EPHA6: variants seen among roughly 807,000 people sequenced by gnomAD.
EPHA6 encodes the protein EPH receptor A6.
Under a neutral mutation model 112.0 loss-of-function variants are expected in EPHA6, and 50 were observed. That is an observed-to-expected ratio of 0.45 (90% CI 0.36 to 0.56). EPHA6 has a LOEUF of 0.56. Among genes scored for constraint, EPHA6 ranks in the 20% least tolerant of loss-of-function variants. The pLI, the probability that EPHA6 is intolerant of heterozygous loss-of-function variation, is 0.00. For synonymous variants in EPHA6, 529 were observed against 490.7 expected (o/e 1.08, Z -1.03); for missense variants, 1,280 against 1,417.4 (o/e 0.90, Z 1.56).
intron 3 of EPHA6, among the ~76,000 whole-genome samples, chr3:97,096,277 A>C (rs935388776): frequency 2.7e-5 from 4 of 145,798 alleles, no homozygotes; most frequent in South Asian, 2.1e-4. Flanking sequence ...ATACACACCC[A>C]CACACACACA....
intron 5 of EPHA6, among the ~76,000 whole-genome samples, chr3:97,272,297 CGTGTGTGTGTGTGTGTGT>C (rs58790255): frequency 5.3e-5 from 8 of 150,234 alleles, no homozygotes; most frequent in African/African-American, 9.8e-5. Context: ...TATTCCATTT[CGTGTGTGTGTGTGTGTGT>C]GTGTGTGTGT....
At chr3:97,222,018 A>G (rs1277709436) in intron 3 of EPHA6, among the ~76,000 whole-genome samples, 1 of 145,252 alleles carries the variant, frequency 6.9e-6, no homozygotes, top group Non-Finnish European at 1.5e-5. Flanking sequence ...ACAGAGCCAG[A>G]CCCCTTCTCA....
rs1033811861 is a variant in EPHA6, at chr3:97,448,645, C to A, written c.1809C>A (p.Thr603=). 1 of 1,613,446 alleles carries A rather than the reference C, an allele frequency of 6.2e-7. No individual in the cohort carries two copies. Among genetic ancestry groups the A allele is most frequent in the East Asian group, 2.2e-5 (1 of 44,880 alleles). ...SVIITGLKPA[T]KYVFHIRVRT... is the part of the protein sequence containing the mutation. Reference sequence around the variant, plus strand: ...TCATCACAGGTCTTAAGCCAGCCACCAAATATGTATTTCACATCCGAGTGA... The same window carrying A: ...TCATCACAGGTCTTAAGCCAGCCACAAAATATGTATTTCACATCCGAGTGA... The change falls in exon 7 of 18, where the codon ACC becomes ACA. Residue 603 remains threonine, a synonymous_variant. Coordinates refer to ENST00000389672, the MANE Select transcript of EPHA6 (RefSeq NM_001080448.3).
In EPHA6 at chr3:97,139,881, A is replaced by G. The variant is rs77180780; in HGVS notation, c.1115-86383A>G. Among the ~76,000 whole-genome samples, 465 of 152,278 alleles carry G rather than the reference A, an allele frequency of 3.1e-3. 3 individuals are homozygous for G. The highest frequency in any genetic ancestry group is 0.01 in the African/African-American group (423 of 41,562). The stretch of plus-strand genomic sequence containing the variant: ...CGAATTCCAAATATGAATTGTAAGG[A>G]AGCTCAATGAGATCCAAGAAAACCA... On this transcript the variant is annotated intron_variant, in intron 3 of 17. Coordinates refer to ENST00000389672, the MANE Select transcript of EPHA6 (RefSeq NM_001080448.3).
chr3:97,359,452 G>GTTT (rs112074834), intron 5 of EPHA6, among the ~76,000 whole-genome samples: 12 of 132,466 alleles, frequency 9.1e-5, no homozygotes, highest in African/African-American at 3.3e-4. Context: ...TTCATACATT[G>GTTT]TTTTTTTTTT....
At chr3:97,597,622 G>T (rs2107380008) in intron 12 of EPHA6, among the ~76,000 whole-genome samples, 1 of 152,200 alleles carries the variant, frequency 6.6e-6, no homozygotes, top group East Asian at 1.9e-4. Flanking sequence ...TATAGCAAAG[G>T]ACATACAGTC....
At chr3:97,396,537 A>G (rs1158224815) in intron 5 of EPHA6, among the ~76,000 whole-genome samples, 1 of 151,544 alleles carries the variant, frequency 6.6e-6, no homozygotes, top group East Asian at 1.9e-4. Flanking sequence ...TCTTGCCTTT[A>G]GTTTTGAACA....
intron 14 of EPHA6, among the ~76,000 whole-genome samples, chr3:97,641,012 A>T (rs147720371): frequency 0.015 from 2,264 of 152,284 alleles, 29 homozygotes; most frequent in Middle Eastern, 0.031. Context: ...TTGGATATTA[A>T]TTGTAAGGAA....
chr3:96,824,853 T>A lies in EPHA6; in HGVS notation c.385+9845T>A, dbSNP rs373647550. Among the ~76,000 whole-genome samples, 25 of 152,036 alleles carry A rather than the reference T, an allele frequency of 1.6e-4. No homozygotes were observed. The South Asian group carries it at 5.0e-3, about 30-fold the overall frequency. ...ATATGTTAGCCACGATTTGTGTGACTCCTTAAAATGAAATAAGATCTGCCA... is the reference window on the plus strand; with the variant it reads ...ATATGTTAGCCACGATTTGTGTGACACCTTAAAATGAAATAAGATCTGCCA... On this transcript the variant is annotated intron_variant, in intron 1 of 17. Transcript: ENST00000389672.
chr3:96,923,601 G>A (rs1164874113), intron 2 of EPHA6, among the ~76,000 whole-genome samples: 2 of 152,092 alleles, frequency 1.3e-5, no homozygotes, highest in African/African-American at 4.8e-5. Flanking sequence ...TCACACTGCT[G>A]ATAGTTTCTT....
At chr3:97,503,772 A>G (rs1186806281) in intron 10 of EPHA6, among the ~76,000 whole-genome samples, 1 of 152,210 alleles carries the variant, frequency 6.6e-6, no homozygotes, top group East Asian at 1.9e-4. Context: ...GAATTTTAAA[A>G]CATGTCCTTT....
chr3:97,750,691 A>G lies in EPHA6; in HGVS notation c.*1990A>G, dbSNP rs1161097871. ...ATATTTAGATTTTGTTGATCGTCCC[A>G]TTATACTAGACCCTTCTACATATTT... On this transcript the variant is annotated 3_prime_UTR_variant, in exon 18 of 18. Coordinates refer to ENST00000389672, the MANE Select transcript of EPHA6 (RefSeq NM_001080448.3). Among the ~76,000 whole-genome samples the G allele has an allele frequency of 6.6e-6, 1 of 152,072 alleles. No homozygotes were observed. The highest frequency in any genetic ancestry group is 1.5e-5 in the Non-Finnish European group (1 of 67,994).
intron 5 of EPHA6, among the ~76,000 whole-genome samples, chr3:97,388,776 C>G (rs538468744): frequency 3.9e-5 from 6 of 152,034 alleles, no homozygotes; most frequent in Non-Finnish European, 5.9e-5. Context: ...TATTCTGGAG[C>G]CTTTCAAAAT....
intron 5 of EPHA6, among the ~76,000 whole-genome samples, chr3:97,348,969 G>A (rs1252757574): frequency 6.6e-6 from 1 of 152,014 alleles, no homozygotes; most frequent in Non-Finnish European, 1.5e-5. Context: ...CTTAACAAAT[G>A]AGTTCAATAT....
chr3:96,829,925 A>G (rs1158784640), intron 1 of EPHA6, among the ~76,000 whole-genome samples: 5 of 145,920 alleles, frequency 3.4e-5, no homozygotes, highest in Non-Finnish European at 7.5e-5. Context: ...CTGTATACAC[A>G]TGCACGTGCA....
chr3:97,290,880 A>G (rs2080656935), intron 5 of EPHA6, among the ~76,000 whole-genome samples: 1 of 151,492 alleles, frequency 6.6e-6, no homozygotes, highest in Non-Finnish European at 1.5e-5. Flanking sequence ...TTTTAGTCTC[A>G]TTCTTTTTAT....
chr3:97,199,791 T>C (rs368555408), intron 3 of EPHA6, among the ~76,000 whole-genome samples: 5 of 152,170 alleles, frequency 3.3e-5, no homozygotes, highest in African/African-American at 1.2e-4. Flanking sequence ...TATTAACATA[T>C]TGTTTACAAT....
At chr3:97,566,006 G>A (rs558661123) in intron 11 of EPHA6, among the ~76,000 whole-genome samples, 17 of 141,854 alleles carry the variant, frequency 1.2e-4, no homozygotes, top group South Asian at 6.6e-4. Flanking sequence ...GCAACAGAGC[G>A]AGACACCGTC....
At chr3:97,504,126 C>G (rs541776974) in intron 10 of EPHA6, among the ~76,000 whole-genome samples, 1 of 152,160 alleles carries the variant, frequency 6.6e-6, no homozygotes, top group African/African-American at 2.4e-5. Flanking sequence ...ATAGCAAAAA[C>G]TAGAATGAAG....
Sources: gnomAD v4.1 joint callset for allele counts (sites outside exome capture counted in the v4.1 genomes callset) on GRCh38, gnomAD v4.1.1 for gene constraint, MANE v1.5 for transcripts, NCBI Gene and HGNC (gene_info 2026-07-23, HGNC 2026-07-21) for gene names.